Variants in PIEZO2 observed in about 807,000 individuals in gnomAD.
PIEZO2 encodes the protein piezo-type mechanosensitive ion channel component 2.
A neutral mutation model predicts 337.3 loss-of-function variants in PIEZO2; 172 were observed. The ratio of observed to expected loss-of-function variants is 0.51; its 90% CI spans 0.45 to 0.58. PIEZO2 has a LOEUF of 0.58. Among genes scored for constraint, PIEZO2 ranks in the 20% least tolerant of loss-of-function variants. The pLI, the probability that PIEZO2 is intolerant of heterozygous loss-of-function variation, is 0.00. For missense variants in PIEZO2, 3,028 were observed against 3,391.3 expected (o/e 0.89, Z 2.66); for synonymous variants, 1,251 against 1,228.5 (o/e 1.02, Z -0.38).
chr18:11,090,892 C>T (rs2050831845), intron 1 of PIEZO2, among the ~76,000 whole-genome samples: 1 of 131,524 alleles, frequency 7.6e-6, no homozygotes, highest in Non-Finnish European at 1.5e-5. Flanking sequence ...CCAGCCTGGG[C>T]GACAGAGCGA....
chr18:10,722,263 C>G (rs1309529758), intron 36 of PIEZO2, among the ~76,000 whole-genome samples: 2 of 149,714 alleles, frequency 1.3e-5, no homozygotes, highest in Non-Finnish European at 3.0e-5. Flanking sequence ...CAAAGTCTCA[C>G]TCTGTCACCC....
Position 10,671,496 on chromosome 18 carries a change from T to C in PIEZO2, c.*31A>G, listed in dbSNP as rs777657984. On this transcript the variant is annotated 3_prime_UTR_variant, in exon 56 of 56. Transcript: ENST00000674853. ...GTGCTTTTAAAAAAAATTCAAATGT[T>C]AACATTATTTGCAGTCTGTGTTCTA... is the stretch of plus-strand genomic sequence containing the variant. 6.3e-7 allele frequency: 1 copy of C among 1,578,230 alleles called. No homozygotes were observed. The highest frequency in any genetic ancestry group is 8.6e-7 in the Non-Finnish European group (1 of 1,163,172).
chr18:10,776,895 G>A (rs919493004), intron 18 of PIEZO2, among the ~76,000 whole-genome samples: 17 of 152,130 alleles, frequency 1.1e-4, no homozygotes, highest in African/African-American at 2.9e-4. Context: ...AAATACTCCT[G>A]GAAACTTCAG....
chr18:10,935,826 C>T lies in PIEZO2; in HGVS notation c.287-24598G>A, dbSNP rs765476367. Among the ~76,000 whole-genome samples, 9 of 152,310 alleles carry T rather than the reference C, an allele frequency of 5.9e-5. 1 individual carries two copies. Among genetic ancestry groups the T allele is most frequent in the Non-Finnish European group, 7.3e-5 (5 of 68,036 alleles). ...TCCTGCCTCGCCAGCAGCAACGCTC[C>T]GGCAGTGGCTGGACCAACAGTCACC... On this transcript the variant is annotated intron_variant, in intron 3 of 55. Coordinates refer to ENST00000674853, the MANE Select transcript of PIEZO2 (RefSeq NM_001378183.1).
chr18:10,812,850 C>A (rs867941506), intron 7 of PIEZO2, among the ~76,000 whole-genome samples: 9 of 152,198 alleles, frequency 5.9e-5, no homozygotes, highest in African/African-American at 2.2e-4. Context: ...GTGCTCCAGA[C>A]CACATCTGCT....
In PIEZO2 at chr18:10,702,020, A is replaced by G; in HGVS notation, c.6410T>C (p.Leu2137Pro). 1 of 1,532,460 alleles carries G rather than the reference A, an allele frequency of 6.5e-7. No homozygotes were observed. The highest frequency in any genetic ancestry group is 1.2e-5 in the South Asian group (1 of 83,086). The allele number at this position is 1,532,460 out of a possible 1,614,324, so 94.9% of individuals were successfully genotyped here. A position where few individuals can be genotyped will look rare whatever the true frequency, so the allele number is the denominator to read the frequency against. Residue 2137 changes from leucine to proline, a missense_variant, in exon 43 of 56, where the codon CTG becomes CCG. Physicochemically the swap from Leu to Pro is moderately conservative, Grantham distance 98. This residue lies in a region of PIEZO2 where 1,925 missense variants were observed against 2,051.9 expected (regional missense o/e 0.94). Coordinates refer to ENST00000674853, the MANE Select transcript of PIEZO2 (RefSeq NM_001378183.1). Reference protein sequence around the residue: ...GYVLYDLIQLLALFFHRSILK... With the variant: ...GYVLYDLIQLPALFFHRSILK... ...AATTGATCGATGAAAGAACAGAGCCAGGAGCTGGATGAGGTCATAGAGAAC... is the reference window on the plus strand; with the variant it reads ...AATTGATCGATGAAAGAACAGAGCCGGGAGCTGGATGAGGTCATAGAGAAC...
At position 10,671,516 on chromosome 18, in the gene PIEZO2, G is replaced by T. The variant is rs1004910796; in HGVS notation, c.*11C>A. On this transcript the variant is annotated 3_prime_UTR_variant, in exon 56 of 56. Transcript: ENST00000674853. ...AATGTTAACATTATTTGCAGTCTGT[G>T]TTCTAAGGTTTCAATTTGTTTTTTC... 10 of 1,605,508 alleles carry T rather than the reference G, an allele frequency of 6.2e-6. No individual in the cohort carries two copies. The Admixed American group carries it at 1.4e-4, about 22-fold the overall frequency.
At chr18:10,851,677 T>G (rs771677057) in intron 7 of PIEZO2, among the ~76,000 whole-genome samples, 1 of 152,164 alleles carries the variant, frequency 6.6e-6, no homozygotes, top group Non-Finnish European at 1.5e-5. Flanking sequence ...GGGAAAAATT[T>G]AAAAAAATTT....
At position 10,922,363 on chromosome 18, in the gene PIEZO2, A is replaced by T. The variant is rs55899542; in HGVS notation, c.287-11135T>A. 2.2e-3 allele frequency among the ~76,000 whole-genome samples: 340 copies of T among 152,152 alleles called. 1 individual carries two copies. The highest frequency in any genetic ancestry group is 7.5e-3 in the African/African-American group (311 of 41,512). On this transcript the variant is annotated intron_variant, in intron 3 of 55. Transcript: ENST00000674853. ...CAGATTCCCTGATACTTCTCTTTTT[A>T]AAAAAACAGAAAAAACGGAGATGGA...
intron 3 of PIEZO2, among the ~76,000 whole-genome samples, chr18:10,961,395 A>T (rs1267822047): frequency 1.8e-5 from 2 of 108,826 alleles, no homozygotes; most frequent in East Asian, 4.3e-4. Flanking sequence ...GATACAATGG[A>T]CTTTGGGACT....
Position 10,858,321 on chromosome 18 carries a change from C to CA in PIEZO2, c.493-1111dup, listed in dbSNP as rs11361243. Among the ~76,000 whole-genome samples the CA allele has an allele frequency of 2.8e-3, 158 of 56,356 alleles. 2 individuals are homozygous for CA. The highest frequency in any genetic ancestry group is 9.3e-3 in the African/African-American group (144 of 15,548). The allele number at this position is 56,356 out of a possible 152,430, so 37.0% of individuals were successfully genotyped here. On this transcript the variant is annotated intron_variant, in intron 5 of 55. Transcript: ENST00000674853. ...CTGGCGACAGAGCGAGACTTCAACC[C>CA]AAAAAAAAAAAAAAAAAAAAAAAAA... is the stretch of plus-strand genomic sequence containing the variant.
In PIEZO2 at chr18:10,752,716, G is replaced by T; in HGVS notation, c.4087C>A (p.Pro1363Thr). The T allele has an allele frequency of 4.6e-6, 7 of 1,537,258 alleles. No individual in the cohort carries two copies. The highest frequency in any genetic ancestry group is 6.1e-6 in the Non-Finnish European group (7 of 1,146,910). ...LLFGGDLLLKPIKSILRYWDW... is the reference protein window; with the variant it reads ...LLFGGDLLLKTIKSILRYWDW... ...CAGTAGCGCAGGATGCTCTTGATGG[G>T]TTTCAACAGCAAATCGCCCCCAAAG... Residue 1363 changes from proline to threonine, a missense_variant, in exon 28 of 56, where the codon CCC becomes ACC. Around this residue, in one of 5 missense-constraint regions of PIEZO2, gnomAD observed 1,925 missense variants for 2,051.9 expected, o/e 0.94. Coordinates refer to ENST00000674853, the MANE Select transcript of PIEZO2 (RefSeq NM_001378183.1).
At chr18:11,004,095 T>C (rs2035637257) in intron 2 of PIEZO2, among the ~76,000 whole-genome samples, 1 of 152,176 alleles carries the variant, frequency 6.6e-6, no homozygotes, top group Non-Finnish European at 1.5e-5. Context: ...GACATTTTCT[T>C]TCTGCAGGAA....
At chr18:11,068,305 G>T (rs1438059015) in intron 1 of PIEZO2, among the ~76,000 whole-genome samples, 6 of 152,132 alleles carry the variant, frequency 3.9e-5, no homozygotes, top group Admixed American at 6.5e-5. Flanking sequence ...ACAATTTTAA[G>T]AAAACTGAAA....
At chr18:10,779,252 C>T (rs560333767) in intron 18 of PIEZO2, among the ~76,000 whole-genome samples, 8 of 152,088 alleles carry the variant, frequency 5.3e-5, no homozygotes, top group South Asian at 2.1e-4. Context: ...GAAAAGCGAA[C>T]GGGGTAGAAA....
chr18:10,722,898 G>A (rs1484317914), intron 36 of PIEZO2, among the ~76,000 whole-genome samples: 1 of 150,360 alleles, frequency 6.7e-6, no homozygotes, highest in Non-Finnish European at 1.5e-5. Context: ...GAGAACTGGA[G>A]AACTAAGTTC....
intron 36 of PIEZO2, among the ~76,000 whole-genome samples, chr18:10,719,011 A>AATTAATT (rs1567981868): frequency 1.3e-5 from 2 of 148,632 alleles, no homozygotes; most frequent in African/African-American, 5.2e-5. Flanking sequence ...ATAAATAAAT[A>AATTAATT]AATAAATAAA....
In PIEZO2 at chr18:10,830,961, C is replaced by T. The variant is rs1454853590; in HGVS notation, c.918-23687G>A. Among the ~76,000 whole-genome samples, 4 of 152,084 alleles carry T rather than the reference C, an allele frequency of 2.6e-5. No homozygotes were observed. Among genetic ancestry groups the T allele is most frequent in the Non-Finnish European group, 4.4e-5 (3 of 68,000 alleles). On this transcript the variant is annotated intron_variant, in intron 7 of 55. Transcript: ENST00000674853. This position sits in a 1 kb window ranked among gnomAD's most constrained non-coding sequence, Gnocchi z 4.7. ...AGCATAATTTATCACCAGAGAAATGCGAATCAAAACTACAAATTATCTCAC... is the reference window on the plus strand; with the variant it reads ...AGCATAATTTATCACCAGAGAAATGTGAATCAAAACTACAAATTATCTCAC...
rs2034814612 is a variant in PIEZO2, at chr18:10,691,304, G to C, written c.7270C>G (p.Arg2424Gly). ...AGGACTCGCGTTGGGTAGCCACAACGGATCTGGTAAGCAGACAACCCGAAG... is the reference window on the plus strand; with the variant it reads ...AGGACTCGCGTTGGGTAGCCACAACCGATCTGGTAAGCAGACAACCCGAAG... ...VYFGLSAYQI[R>G]CGYPTRVLGN... The change falls in exon 48 of 56, where the codon CGT becomes GGT. Residue 2424 changes from arginine (R) to glycine (G), a missense_variant. By Grantham distance (125) the Arg-to-Gly change is moderately radical. Coordinates refer to ENST00000674853, the MANE Select transcript of PIEZO2 (RefSeq NM_001378183.1). The C allele has an allele frequency of 6.2e-7, 1 of 1,614,042 alleles. No homozygotes were observed. The highest frequency in any genetic ancestry group is 8.5e-7 in the Non-Finnish European group (1 of 1,179,976).
Sources: allele counts gnomAD v4.1 joint callset (sites outside exome capture counted in the v4.1 genomes callset), GRCh38; gene constraint gnomAD v4.1.1; regional missense constraint gnomAD v4.1.1; non-coding constraint Gnocchi (gnomAD v3.1); transcripts MANE v1.5; gene names NCBI Gene and HGNC (gene_info 2026-07-23, HGNC 2026-07-21).